The following DSCAM variants were observed in gnomAD, a reference collection of about 807,000 sequenced individuals.
The protein encoded by DSCAM is cell adhesion molecule DSCAM.
Under a neutral mutation model 217.7 loss-of-function variants are expected in DSCAM, and 47 were observed. The observed-to-expected ratio is 0.22, with a 90% CI of 0.17 to 0.28. The LOEUF (loss-of-function observed/expected upper bound fraction) is 0.28. DSCAM is among the 10% of genes least tolerant of loss of function. The probability of loss-of-function intolerance (pLI) is 1.00; values close to 1 mark genes in which losing one functional copy is unlikely to be tolerated. For synonymous variants in DSCAM, 1,056 were observed against 1,015.3 expected (o/e 1.04, Z -0.76); for missense variants, 2,080 against 2,618.3 (o/e 0.79, Z 4.49).
chr21:40,234,038 C>T (rs186374642), intron 11 of DSCAM, among the ~76,000 whole-genome samples: 26 of 152,322 alleles, frequency 1.7e-4, no homozygotes, highest in African/African-American at 5.3e-4. Context: ...AACCAGAAGG[C>T]CCATGCTGGG....
At chr21:40,427,176 G>T (rs374755009) in intron 3 of DSCAM, among the ~76,000 whole-genome samples, 4 of 152,304 alleles carry the variant, frequency 2.6e-5, no homozygotes, top group Admixed American at 6.5e-5. Flanking sequence ...CTCTGGTCAT[G>T]GACCTGTCTG....
At chr21:40,166,417 C>G (rs572765814) in intron 16 of DSCAM, among the ~76,000 whole-genome samples, 57 of 152,196 alleles carry the variant, frequency 3.7e-4, no homozygotes, top group Non-Finnish European at 6.9e-4. Flanking sequence ...TAAGACAGAG[C>G]CATCTCCAAG....
rs191671712 is a variant in DSCAM at position 40,651,154 on chromosome 21, T to A, written c.508+41656A>T. ...AAGATTTGCAGCTCAGGTCATTGCCTCATGAGCTCCAAGCACACAGACCAA... is the reference window on the plus strand; with the variant it reads ...AAGATTTGCAGCTCAGGTCATTGCCACATGAGCTCCAAGCACACAGACCAA... On this transcript the variant is annotated intron_variant, in intron 3 of 32. Transcript: ENST00000400454. Among the ~76,000 whole-genome samples, 1,284 of 152,236 alleles carry A rather than the reference T, an allele frequency of 8.4e-3. 14 individuals are homozygous for A. The highest frequency in any genetic ancestry group is 0.029 in the African/African-American group (1,195 of 41,538).
intron 3 of DSCAM, among the ~76,000 whole-genome samples, chr21:40,667,667 GTGAGTCCTCA>G (rs1212826490): frequency 2.6e-5 from 4 of 152,150 alleles, no homozygotes; most frequent in Non-Finnish European, 5.9e-5. Flanking sequence ...GTGATAGTGA[GTGAGTCCTCA>G]TGATAACTGA....
At chr21:40,642,344 A>T (rs372118) in intron 3 of DSCAM, among the ~76,000 whole-genome samples, 19 of 152,218 alleles carry the variant, frequency 1.2e-4, no homozygotes, top group Middle Eastern at 6.8e-3. Flanking sequence ...AGGCACGATA[A>T]GTATGTATCC....
At chr21:40,535,950 G>T (rs1412448873) in intron 3 of DSCAM, among the ~76,000 whole-genome samples, 2 of 152,188 alleles carry the variant, frequency 1.3e-5, no homozygotes, top group African/African-American at 4.8e-5. Context: ...GTATTTATAG[G>T]CAAGAAGCTG....
At chr21:40,375,028 T>C (rs1409989930) in intron 3 of DSCAM, among the ~76,000 whole-genome samples, 1 of 152,244 alleles carries the variant, frequency 6.6e-6, no homozygotes, top group Non-Finnish European at 1.5e-5. Flanking sequence ...AAAATCATTA[T>C]CATGTTACTT....
At chr21:40,408,275 G>A (rs2075295333) in intron 3 of DSCAM, among the ~76,000 whole-genome samples, 1 of 152,098 alleles carries the variant, frequency 6.6e-6, no homozygotes, top group African/African-American at 2.4e-5. Context: ...TGGTTACTAA[G>A]TTGGAAGGTC....
chr21:40,164,625 C>T (rs2090574278), intron 16 of DSCAM, among the ~76,000 whole-genome samples: 1 of 151,814 alleles, frequency 6.6e-6, no homozygotes, highest in African/African-American at 2.4e-5. Flanking sequence ...TGGTGAAAAC[C>T]CCTGTCTCTA....
chr21:40,261,926 G>A (rs1374025564), intron 11 of DSCAM, among the ~76,000 whole-genome samples: 1 of 152,100 alleles, frequency 6.6e-6, no homozygotes, highest in Non-Finnish European at 1.5e-5. Flanking sequence ...GGTAATTAGA[G>A]TGAGATGAAG....
intron 8 of DSCAM, among the ~76,000 whole-genome samples, chr21:40,317,773 T>A (rs998929164): frequency 1.3e-5 from 2 of 152,200 alleles, no homozygotes; most frequent in Non-Finnish European, 2.9e-5. Context: ...CCTCATGTGA[T>A]CCACCTGCCT....
chr21:40,412,582 T>C (rs1249672806), intron 3 of DSCAM, among the ~76,000 whole-genome samples: 1 of 152,156 alleles, frequency 6.6e-6, no homozygotes, highest in Non-Finnish European at 1.5e-5. Flanking sequence ...AGATATGATT[T>C]AGGGTATCTG....
intron 3 of DSCAM, among the ~76,000 whole-genome samples, chr21:40,424,330 AAT>A (rs1366610698): frequency 6.6e-6 from 1 of 152,160 alleles, no homozygotes; most frequent in Non-Finnish European, 1.5e-5. Context: ...GTGCCAGTTC[AAT>A]ATAAGTGGTG....
chr21:40,730,451 A>G (rs2091000357), intron 1 of DSCAM, among the ~76,000 whole-genome samples: 1 of 152,256 alleles, frequency 6.6e-6, no homozygotes, highest in South Asian at 2.1e-4. Context: ...CCGACCCAGG[A>G]TCGCAGATTT....
intron 6 of DSCAM, among the ~76,000 whole-genome samples, chr21:40,339,883 A>T (rs965728816): frequency 2.0e-5 from 3 of 152,230 alleles, no homozygotes; most frequent in African/African-American, 7.2e-5. Flanking sequence ...TCCTCAAGTT[A>T]TTTGGGGTTT....
intron 3 of DSCAM, among the ~76,000 whole-genome samples, chr21:40,653,927 T>C (rs1170855187): frequency 6.6e-6 from 1 of 151,892 alleles, no homozygotes; most frequent in Non-Finnish European, 1.5e-5. Flanking sequence ...AAACCCCATC[T>C]CTACTAAAAC....
chr21:40,780,890 C>T (rs575947592), intron 1 of DSCAM, among the ~76,000 whole-genome samples: 29 of 152,138 alleles, frequency 1.9e-4, no homozygotes, highest in Non-Finnish European at 2.9e-4. Context: ...TGTTTATGTA[C>T]ACTAAATATG....
At chr21:40,287,191 G>A (rs960425127) in intron 10 of DSCAM, among the ~76,000 whole-genome samples, 1 of 143,560 alleles carries the variant, frequency 7.0e-6, no homozygotes, top group African/African-American at 3.0e-5. Context: ...CTTCTGCAGT[G>A]TGATCTGCAG....
At chr21:40,756,981 G>A (rs913562951) in intron 1 of DSCAM, among the ~76,000 whole-genome samples, 8 of 151,636 alleles carry the variant, frequency 5.3e-5, no homozygotes, top group Admixed American at 2.0e-4. Flanking sequence ...ATGGTCGTGT[G>A]TGTGTGTGTG....
Sources: allele counts gnomAD v4.1 joint callset (sites outside exome capture counted in the v4.1 genomes callset), GRCh38; gene constraint gnomAD v4.1.1; transcripts MANE v1.5; gene names NCBI Gene and HGNC (gene_info 2026-07-23, HGNC 2026-07-21).